Variants in CLUH observed in about 807,000 individuals in gnomAD.
CLUH encodes clustered mitochondria protein homolog.
A neutral mutation model predicts 139.3 loss-of-function variants in CLUH; 77 were observed. That is an observed-to-expected ratio of 0.55 (90% confidence interval 0.46 to 0.67). The LOEUF is 0.67. Among genes scored for constraint, CLUH ranks in the 30% least tolerant of loss-of-function variants. The pLI is 0.00. For synonymous variants in CLUH, 999 were observed against 801.6 expected (o/e 1.25, Z -4.16); for missense variants, 1,876 against 1,875.8 (o/e 1.00, Z 0.00).
intron 1 of CLUH, among the ~76,000 whole-genome samples, chr17:2,710,385 C>T (rs1421006539): frequency 1.3e-5 from 2 of 152,222 alleles, no homozygotes; most frequent in South Asian, 2.1e-4. Flanking sequence ...AAGGCAACTC[C>T]GCTATGATGG....
At position 2,701,670 on chromosome 17, in the gene CLUH, C is replaced by A. The variant is rs1458209160; in HGVS notation, c.687G>T (p.Leu229=). ...PIDCTPPEYI[L]PGSRERPLCP... is the part of the protein sequence containing the mutation. ...ACAGTGGCCGCTCCCGGCTCCCTGG[C>A]AGGATGTACTCGGGTGGTGTGCAGT... is the stretch of plus-strand genomic sequence containing the variant. Residue 229 remains leucine, a synonymous_variant, in exon 5 of 26, where the codon CTG becomes CTT. Coordinates refer to ENST00000651024, the MANE Select transcript of CLUH (RefSeq NM_001366661.1). 2 of 1,600,084 alleles carry A rather than the reference C, an allele frequency of 1.2e-6. No individual in the cohort carries two copies. Among genetic ancestry groups the A allele is most frequent in the Non-Finnish European group, 1.7e-6 (2 of 1,173,344 alleles).
intron 25 of CLUH, 83 bp from the exon 26 acceptor site, chr17:2,690,860 G>A: frequency 2.6e-6 from 3 of 1,152,912 alleles, no homozygotes; most frequent in Non-Finnish European, 3.5e-6. Flanking sequence ...TGTGGGATAA[G>A]CTCAGGCTCT....
Position 2,711,749 on chromosome 17 carries a change from G to T in CLUH, c.-88C>A. On this transcript the variant is annotated 5_prime_UTR_variant, in exon 1 of 26. Coordinates refer to ENST00000651024, the MANE Select transcript of CLUH (RefSeq NM_001366661.1). Reference sequence around the variant, plus strand: ...GCCCTGCGCGCCGCGGCTGCTGAGGGAAGGACGGAGTCACCGGCCCACGTG... The same window carrying T: ...GCCCTGCGCGCCGCGGCTGCTGAGGTAAGGACGGAGTCACCGGCCCACGTG... 2.0e-6 allele frequency: 1 copy of T among 491,296 alleles called. No individual in the cohort carries two copies. Among genetic ancestry groups the T allele is most frequent in the Non-Finnish European group, 2.6e-6 (1 of 378,510 alleles). 30.4% of individuals were successfully genotyped at this position (491,296 alleles called of 1,614,324 possible).
At chr17:2,708,828 C>A (rs2070425784) in intron 1 of CLUH, among the ~76,000 whole-genome samples, 1 of 148,988 alleles carries the variant, frequency 6.7e-6, no homozygotes, top group African/African-American at 2.5e-5. Flanking sequence ...GTAGGCTGCA[C>A]CTGCCTCCTC....
chr17:2,707,164 G>C lies in CLUH; in HGVS notation c.101-2600C>G. On this transcript the variant is annotated intron_variant, in intron 1 of 25. Coordinates refer to ENST00000651024, the MANE Select transcript of CLUH (RefSeq NM_001366661.1). This position sits in a 1 kb window ranked among gnomAD's most constrained non-coding sequence, Gnocchi z 7.4. Reference sequence around the variant, plus strand: ...GCAGCTGGCTGGCTCACCAGGTCCCGGTGCTCACCTGGTGCAGTTGGCAGC... The same window carrying C: ...GCAGCTGGCTGGCTCACCAGGTCCCCGTGCTCACCTGGTGCAGTTGGCAGC... The C allele has an allele frequency of 1.0e-6, 1 of 984,946 alleles. No individual in the cohort carries two copies. The highest frequency in any genetic ancestry group is 1.2e-6 in the Non-Finnish European group (1 of 829,504). 61.0% of individuals were successfully genotyped at this position (984,946 alleles called of 1,614,324 possible).
chr17:2,706,612 G>A lies in CLUH; in HGVS notation c.101-2048C>T, dbSNP rs1171230628. Among the ~76,000 whole-genome samples, 1 of 151,902 alleles carries A rather than the reference G, an allele frequency of 6.6e-6. No individual in the cohort carries two copies. The highest frequency in any genetic ancestry group is 2.1e-4 in the South Asian group (1 of 4,814). ...CAGGAAGGGCACCCCCAATCCCCTCGCACGTGAGCAGCCCCACACACCTGC... is the reference window on the plus strand; with the variant it reads ...CAGGAAGGGCACCCCCAATCCCCTCACACGTGAGCAGCCCCACACACCTGC... On this transcript the variant is annotated intron_variant, in intron 1 of 25. Transcript: ENST00000651024. The surrounding 1 kb of genome is among the most constrained non-coding windows in gnomAD (Gnocchi z 4.6).
In CLUH at chr17:2,707,158, G is replaced by T; in HGVS notation, c.101-2594C>A. The T allele has an allele frequency of 2.0e-6, 2 of 985,086 alleles. No individual in the cohort carries two copies. The highest frequency in any genetic ancestry group is 1.2e-6 in the Non-Finnish European group (1 of 829,624). The allele number at this position is 985,086 out of a possible 1,614,324, so 61.0% of individuals were successfully genotyped here. A position where few individuals can be genotyped will look rare whatever the true frequency, so the allele number is the denominator to read the frequency against. ...CCGCAGGCAGCTGGCTGGCTCACCA[G>T]GTCCCGGTGCTCACCTGGTGCAGTT... On this transcript the variant is annotated intron_variant, in intron 1 of 25. Coordinates refer to ENST00000651024, the MANE Select transcript of CLUH (RefSeq NM_001366661.1). The surrounding 1 kb of genome is among the most constrained non-coding windows in gnomAD (Gnocchi z 7.4).
rs752087223 is a variant in CLUH at position 2,693,981 on chromosome 17, G to A, written c.3150C>T (p.Val1050=). ...INEALNLFNN[V]YGAMHVETCA... ...AGGTCTCCACGTGCATGGCTCCGTAGACGTTGTTAAACAGGTTCAGGGCCT... is the reference window on the plus strand; with the variant it reads ...AGGTCTCCACGTGCATGGCTCCGTAAACGTTGTTAAACAGGTTCAGGGCCT... Residue 1050 remains valine, a synonymous_variant, in exon 19 of 26, where the codon GTC becomes GTT. Transcript: ENST00000651024. The A allele has an allele frequency of 3.4e-5, 55 of 1,613,786 alleles. No individual in the cohort carries two copies. The highest frequency in any genetic ancestry group is 4.6e-5 in the Non-Finnish European group (54 of 1,179,864).
At position 2,707,225 on chromosome 17, in the gene CLUH, G is replaced by T. The variant is rs558811654; in HGVS notation, c.101-2661C>A. The T allele has an allele frequency of 1.0e-6, 1 of 985,310 alleles. No individual in the cohort carries two copies. Among genetic ancestry groups the T allele is most frequent in the African/African-American group, 1.7e-5 (1 of 57,232 alleles). The allele number at this position is 985,310 out of a possible 1,614,324, so 61.0% of individuals were successfully genotyped here. On this transcript the variant is annotated intron_variant, in intron 1 of 25. Transcript: ENST00000651024. This position sits in a 1 kb window ranked among gnomAD's most constrained non-coding sequence, Gnocchi z 7.4. Reference sequence around the variant, plus strand: ...TCGGCTCTGGAGTCTCAGGATGGCCGTGGCAGCAAGGCAGCCAGCTCTCCA... The same window carrying T: ...TCGGCTCTGGAGTCTCAGGATGGCCTTGGCAGCAAGGCAGCCAGCTCTCCA...
Position 2,704,733 on chromosome 17 carries a change from C to T in CLUH, c.101-169G>A, listed in dbSNP as rs142134189. On this transcript the variant is annotated intron_variant, in intron 1 of 25. Transcript: ENST00000651024. This position sits in a 1 kb window ranked among gnomAD's most constrained non-coding sequence, Gnocchi z 5.7. ...TCCGTGCACCTGCAGGCCACTTCCA[C>T]ACCCAGCCGCCCCTCCCAGCCACTG... Among the ~76,000 whole-genome samples, 1 of 152,234 alleles carries T rather than the reference C, an allele frequency of 6.6e-6. No homozygotes were observed. Among genetic ancestry groups the T allele is most frequent in the East Asian group, 1.9e-4 (1 of 5,158 alleles).
At chr17:2,705,154 C>T (rs889303840) in intron 1 of CLUH, among the ~76,000 whole-genome samples, 1 of 152,100 alleles carries the variant, frequency 6.6e-6, no homozygotes. Context: ...CAACATGTGG[C>T]TGTCCCTGAG....
At chr17:2,691,158 T>TG (rs2069610858) in intron 25 of CLUH, among the ~76,000 whole-genome samples, 4 of 150,978 alleles carry the variant, frequency 2.6e-5, no homozygotes, top group African/African-American at 9.7e-5. Flanking sequence ...ATGGGAAGCG[T>TG]GGGGAGGGAA....
intron 22 of CLUH, 47 bp from the exon 23 acceptor site, chr17:2,692,144 G>A (rs779714289): frequency 1.3e-6 from 2 of 1,538,496 alleles, no homozygotes; most frequent in South Asian, 2.4e-5. Context: ...TAAGTGGGCT[G>A]GGTGTGGGGG....
At chr17:2,702,925 A>T (rs1379943802) in intron 3 of CLUH, among the ~76,000 whole-genome samples, 1 of 152,068 alleles carries the variant, frequency 6.6e-6, no homozygotes, top group Non-Finnish European at 1.5e-5. Flanking sequence ...CCCAGGTTCA[A>T]GTGATTCTCC....
Position 2,698,160 on chromosome 17 carries a change from AG to A in CLUH, c.1696del (p.Leu566SerfsTer94). The A allele has an allele frequency of 6.3e-7, 1 of 1,578,072 alleles. No individual in the cohort carries two copies. Among genetic ancestry groups the A allele is most frequent in the Non-Finnish European group, 8.6e-7 (1 of 1,163,064 alleles). On this transcript the variant is annotated frameshift_variant, in exon 10 of 26. Transcript: ENST00000651024. LOFTEE classifies it high-confidence loss of function. ...LELLERTSRP[L>X]KILRHQVLND... is the part of the protein sequence containing the mutation. ...GAGCACCTGGTGCCGCAGGATCTTG[AG>A]GGGCCGACTCGTGCGCTCCAGCAGC...
At position 2,689,958 on chromosome 17, in the gene CLUH, C is replaced by T. The variant is rs1268234588; in HGVS notation, c.*636G>A. ...GAGGGCCCAGCAAGCCAACCCCGAC[C>T]CCTCCGTTCGGGAGCAGCAGCCAGA... is the stretch of plus-strand genomic sequence containing the variant. On this transcript the variant is annotated 3_prime_UTR_variant, in exon 26 of 26. Coordinates refer to ENST00000651024, the MANE Select transcript of CLUH (RefSeq NM_001366661.1). 4 of 152,630 alleles carry T rather than the reference C, an allele frequency of 2.6e-5. No individual in the cohort carries two copies. The highest frequency in any genetic ancestry group is 1.9e-4 in the East Asian group (1 of 5,196). The allele number at this position is 152,630 out of a possible 1,614,324, so 9.5% of individuals were successfully genotyped here. A position where few individuals can be genotyped will look rare whatever the true frequency, so the allele number is the denominator to read the frequency against.
chr17:2,694,067 G>A, intron 18 of CLUH, 28 bp from the exon 19 acceptor site: 2 of 1,613,894 alleles, frequency 1.2e-6, no homozygotes, highest in Non-Finnish European at 1.7e-6. Context: ...GGGTGGCAAG[G>A]TCAGGACGGG....
rs372976014 is a variant in CLUH, at chr17:2,695,275, G to A, written c.2550C>T (p.Ile850=). The change falls in exon 15 of 26, where the codon ATC becomes ATT. Residue 850 remains isoleucine (I), a synonymous_variant. Coordinates refer to ENST00000651024, the MANE Select transcript of CLUH (RefSeq NM_001366661.1). Reference sequence around the variant, plus strand: ...AGCGGGTGATGAGTTCTCCAATGCCGATTTTCTGGAAGGATTCAGAAGGGA... The same window carrying A: ...AGCGGGTGATGAGTTCTCCAATGCCAATTTTCTGGAAGGATTCAGAAGGGA... ...ARHQLDHVFK[I]GIGELITRSA... 4.9e-4 allele frequency: 798 copies of A among 1,613,814 alleles called. 10 individuals are homozygous for A. In the South Asian group the frequency reaches 5.4e-3, roughly 11 times the overall value.
In CLUH at chr17:2,695,034, G is replaced by C; in HGVS notation, c.2675C>G (p.Pro892Arg). 6.2e-7 allele frequency: 1 copy of C among 1,613,502 alleles called. No individual in the cohort carries two copies. Among genetic ancestry groups the C allele is most frequent in the Non-Finnish European group, 8.5e-7 (1 of 1,179,746 alleles). ...GGCGGGCAGGTGGGCCACGGGGTTT[G>C]GGTAGGAGCTCAGGAAGCAGTTCAG... ...HFLNCFLSSY[P>R]NPVAHLPADE... is the part of the protein sequence containing the mutation. The change falls in exon 16 of 26, where the codon CCA (proline) becomes CGA (arginine). Residue 892 changes from proline (P) to arginine (R), a missense_variant. Pro to Arg is a moderately radical substitution (Grantham distance 103, BLOSUM62 -2). Transcript: ENST00000651024.
Sources: gnomAD v4.1 joint callset for allele counts (sites outside exome capture counted in the v4.1 genomes callset) on GRCh38, gnomAD v4.1.1 for gene constraint, Gnocchi (gnomAD v3.1) non-coding constraint, MANE v1.5 for transcripts, NCBI Gene and HGNC (gene_info 2026-07-23, HGNC 2026-07-21) for gene names.